KASH5: variants seen among roughly 807,000 people sequenced by gnomAD.
KASH5 encodes protein KASH5.
Under a neutral mutation model 84.2 loss-of-function variants are expected in KASH5, and 72 were observed. The observed-to-expected ratio is 0.85, with a 90% CI of 0.71 to 1.04. The LOEUF (loss-of-function observed/expected upper bound fraction) is 1.04. KASH5 is among the 50% of genes least tolerant of loss of function. KASH5 has a pLI of 0.00. For synonymous variants in KASH5, 260 were observed against 279.1 expected, an observed-to-expected ratio of 0.93 and a Z score of 0.68; for missense variants, 650 against 701.0, an observed-to-expected ratio of 0.93 and a Z score of 0.82.
At chr19:49,396,266 T>C in intron 5 of KASH5, among the ~76,000 whole-genome samples, 1 of 92,018 alleles carries the variant, frequency 1.1e-5, no homozygotes, top group South Asian at 4.5e-4. Context: ...TTTTTTTTTT[T>C]TTTTGAGATA....
chr19:49,407,696 A>T (rs1568619816), intron 12 of KASH5, 25 bp downstream of exon 12: 2 of 1,585,210 alleles, frequency 1.3e-6, no homozygotes, highest in Admixed American at 3.6e-5. Flanking sequence ...CTCGCCACCC[A>T]CCGCGGCCCT....
Position 49,409,787 on chromosome 19 carries a change from C to T in KASH5, c.1181C>T (p.Pro394Leu). 3 of 1,614,006 alleles carry T rather than the reference C, an allele frequency of 1.9e-6. No individual in the cohort carries two copies. The highest frequency in any genetic ancestry group is 2.5e-6 in the Non-Finnish European group (3 of 1,179,864). ...QEVATADLSN[P>L]LCGVWQWEEV... Reference sequence around the variant, plus strand: ...GTGGCAACTGCTGATCTCTCCAACCCTCTGTGTGGGGTGTGGCAGTGGGAG... The same window carrying T: ...GTGGCAACTGCTGATCTCTCCAACCTTCTGTGTGGGGTGTGGCAGTGGGAG... Residue 394 changes from proline to leucine, a missense_variant, in exon 15 of 20, where the codon CCT (proline) becomes CTT (leucine). Transcript: ENST00000447857.
At chr19:49,400,555 G>T (rs9749000) in intron 9 of KASH5, among the ~76,000 whole-genome samples, 78,031 of 151,362 alleles carry the variant, frequency 0.52, 20,216 homozygotes, top group South Asian at 0.65. Context: ...TTGGTTGGTT[G>T]GTTTGTTTGT....
Position 49,413,039 on chromosome 19 carries a change from G to A in KASH5, c.1328+13G>A, listed in dbSNP as rs368506937. 4.3e-6 allele frequency: 7 copies of A among 1,610,974 alleles called. No homozygotes were observed. The highest frequency in any genetic ancestry group is 1.3e-5 in the African/African-American group (1 of 74,906). ...AGCCATCCATGTGGTAAGGAGCTGAGCCATCCGTCTGCCTCAGGGTGACAC... is the reference window on the plus strand; with the variant it reads ...AGCCATCCATGTGGTAAGGAGCTGAACCATCCGTCTGCCTCAGGGTGACAC... On this transcript the variant is annotated intron_variant, in intron 16 of 19. Coordinates refer to ENST00000447857, the MANE Select transcript of KASH5 (RefSeq NM_144688.5).
intron 9 of KASH5, among the ~76,000 whole-genome samples, chr19:49,405,252 G>A (rs1482150696): frequency 2.6e-5 from 4 of 151,772 alleles, no homozygotes; most frequent in Non-Finnish European, 5.9e-5. Context: ...AGGTCAGAAG[G>A]TCAAGACCAC....
At chr19:49,407,038 T>A (rs1392408993) in intron 10 of KASH5, 75 bp downstream of exon 10, 7 of 1,431,604 alleles carry the variant, frequency 4.9e-6, no homozygotes, top group Non-Finnish European at 6.7e-6. Context: ...TTTTAGTGAC[T>A]GCAGCCTGAT....
chr19:49,416,823 G>A lies in KASH5; in HGVS notation c.1375-192G>A, dbSNP rs1391424249. On this transcript the variant is annotated intron_variant, in intron 17 of 19. Transcript: ENST00000447857. This position sits in a 1 kb window ranked among gnomAD's most constrained non-coding sequence, Gnocchi z 5.4. ...AGATGGGGAAAGAGCGGCACGGAGA[G>A]GTGTGGTGACATGCCAAGGACCCTC... is the stretch of plus-strand genomic sequence containing the variant. Among the ~76,000 whole-genome samples the A allele has an allele frequency of 7.1e-6, 1 of 141,526 alleles. No homozygotes were observed. The highest frequency in any genetic ancestry group is 3.1e-5 in the African/African-American group (1 of 32,306). The allele number at this position is 141,526 out of a possible 152,430, so 92.8% of individuals were successfully genotyped here.
At chr19:49,392,274 G>A (rs1434003062) in intron 2 of KASH5, among the ~76,000 whole-genome samples, 1 of 152,134 alleles carries the variant, frequency 6.6e-6, no homozygotes, top group Non-Finnish European at 1.5e-5. Context: ...TGAGATACAG[G>A]GAAGAAAACG....
intron 9 of KASH5, among the ~76,000 whole-genome samples, chr19:49,400,791 C>G (rs1373810836): frequency 2.6e-5 from 4 of 152,184 alleles, no homozygotes; most frequent in Admixed American, 1.3e-4. Flanking sequence ...TATGAAGAGA[C>G]TGAGTTCAGC....
At chr19:49,402,245 A>G (rs890646103) in intron 9 of KASH5, among the ~76,000 whole-genome samples, 4 of 150,524 alleles carry the variant, frequency 2.7e-5, no homozygotes, top group African/African-American at 9.8e-5. Flanking sequence ...CAGTCTCAAA[A>G]AAAAAAGGAA....
intron 2 of KASH5, among the ~76,000 whole-genome samples, chr19:49,392,992 C>T (rs1439550790): frequency 6.6e-6 from 1 of 151,858 alleles, no homozygotes; most frequent in South Asian, 2.1e-4. Context: ...GTCCACACGC[C>T]CCTTCCCAAG....
In KASH5 at chr19:49,409,881, C is replaced by T. The variant is rs370369409; in HGVS notation, c.1269+6C>T. 3.1e-6 allele frequency: 5 copies of T among 1,612,918 alleles called. No individual in the cohort carries two copies. The African/African-American group carries it at 6.7e-5, about 22-fold the overall frequency. On this transcript the variant is annotated splice_donor_region_variant and intron_variant, in intron 15 of 19. Transcript: ENST00000447857. Reference sequence around the variant, plus strand: ...AAGCCCCAGCTGGGGGACAGGTGAGCACAGGAAAAGCTCTGAAGTCCAGGA... The same window carrying T: ...AAGCCCCAGCTGGGGGACAGGTGAGTACAGGAAAAGCTCTGAAGTCCAGGA...
Position 49,396,241 on chromosome 19 carries a change from GA to G in KASH5, c.400+409del, listed in dbSNP as rs1568611416. Among the ~76,000 whole-genome samples the G allele has an allele frequency of 3.4e-5, 3 of 88,762 alleles. 1 individual carries two copies. The highest frequency in any genetic ancestry group is 1.4e-4 in the African/African-American group (3 of 21,784). The allele number at this position is 88,762 out of a possible 152,430, so 58.2% of individuals were successfully genotyped here. On this transcript the variant is annotated intron_variant, in intron 5 of 19. Transcript: ENST00000447857. Reference sequence around the variant, plus strand: ...CCACTCCTTGCTCCCCACCCTGCTGGACTTTTTTTTTTTTTTTTTTTTTTTT... The same window carrying G: ...CCACTCCTTGCTCCCCACCCTGCTGGCTTTTTTTTTTTTTTTTTTTTTTTT...
At chr19:49,402,399 C>CA (rs1419268434) in intron 9 of KASH5, among the ~76,000 whole-genome samples, 1 of 128,790 alleles carries the variant, frequency 7.8e-6, no homozygotes, top group Non-Finnish European at 1.8e-5. Context: ...CAAAAAAAAA[C>CA]AAAAAAAGTA....
chr19:49,415,379 C>T lies in KASH5; in HGVS notation c.1374+383C>T, dbSNP rs543333710. 15 of 328,344 alleles carry T rather than the reference C, an allele frequency of 4.6e-5. No homozygotes were observed. The East Asian group carries it at 8.9e-4, about 19-fold the overall frequency. 20.3% of individuals were successfully genotyped at this position (328,344 alleles called of 1,614,324 possible). A position where few individuals can be genotyped will look rare whatever the true frequency, so the allele number is the denominator to read the frequency against. On this transcript the variant is annotated intron_variant, in intron 17 of 19. Transcript: ENST00000447857. The stretch of plus-strand genomic sequence containing the variant: ...AGCCAGCCTCAGAACTCCCTGGGGG[C>T]GTAGTGCCCGCAGCCCCCCTGCCTG...
rs371220692 is a variant in KASH5, at chr19:49,407,478, G to C, written c.934-134G>C. On this transcript the variant is annotated intron_variant, in intron 11 of 19. Transcript: ENST00000447857. ...GGATCTAGAAGCCCTTCTGCCCGGT[G>C]CTCTCCCTTGTGCCCCAGCTCTTCC... is the stretch of plus-strand genomic sequence containing the variant. 3.5e-6 allele frequency: 4 copies of C among 1,127,618 alleles called. No individual in the cohort carries two copies. In the African/African-American group the frequency reaches 6.2e-5, roughly 17 times the overall value. The allele number at this position is 1,127,618 out of a possible 1,614,324, so 69.9% of individuals were successfully genotyped here. A position where few individuals can be genotyped will look rare whatever the true frequency, so the allele number is the denominator to read the frequency against.
chr19:49,407,528 C>T, intron 11 of KASH5, 84 bp from the exon 12 acceptor site: 1 of 1,437,920 alleles, frequency 7.0e-7, no homozygotes, highest in Non-Finnish European at 9.6e-7. Flanking sequence ...GTCCCTTAAC[C>T]CCCCAGCCAG....
intron 10 of KASH5, 51 bp from the exon 11 acceptor site, chr19:49,407,189 C>G (rs1345380256): frequency 1.3e-6 from 2 of 1,599,038 alleles, no homozygotes; most frequent in East Asian, 2.2e-5. Flanking sequence ...AGGGCAGGAC[C>G]AAGGGGAGTC....
At chr19:49,391,004 G>C (rs1032141529) in intron 2 of KASH5, 78 bp downstream of exon 2, 9 of 1,518,938 alleles carry the variant, frequency 5.9e-6, no homozygotes, top group African/African-American at 1.4e-5. Flanking sequence ...GCTGTGACTC[G>C]GGGACTTGGG....
Sources: gnomAD v4.1 joint callset for allele counts (sites outside exome capture counted in the v4.1 genomes callset) on GRCh38, gnomAD v4.1.1 for gene constraint, Gnocchi (gnomAD v3.1) non-coding constraint, MANE v1.5 for transcripts, NCBI Gene and HGNC (gene_info 2026-07-23, HGNC 2026-07-21) for gene names.